Variants in ASIC2 observed in about 807,000 individuals in gnomAD.
ASIC2 encodes the protein acid sensing ion channel subunit 2.
A neutral mutation model predicts 57.3 loss-of-function variants in ASIC2; 25 were observed. The observed-to-expected ratio is 0.44, with a 90% CI of 0.32 to 0.61. ASIC2 has a LOEUF of 0.61. Among genes scored for constraint, ASIC2 ranks in the 20% least tolerant of loss-of-function variants. The pLI is 0.06. For synonymous variants in ASIC2, 319 were observed against 307.5 expected (o/e 1.04, Z -0.39); for missense variants, 641 against 738.1 (o/e 0.87, Z 1.52).
At chr17:33,851,349 G>A (rs5013578) in intron 1 of ASIC2, among the ~76,000 whole-genome samples, 7,911 of 152,138 alleles carry the variant, frequency 0.052, 233 homozygotes, top group Non-Finnish European at 0.065. Flanking sequence ...CATGAGGCTG[G>A]GGGCAATGAT....
intron 1 of ASIC2, among the ~76,000 whole-genome samples, chr17:34,054,441 T>C (rs1908687576): frequency 2.6e-5 from 4 of 152,150 alleles, no homozygotes. Flanking sequence ...TTTCAAGCAA[T>C]GAGTGGAGAT....
intron 1 of ASIC2, among the ~76,000 whole-genome samples, chr17:33,387,897 T>C (rs1208654222): frequency 1.3e-5 from 2 of 152,096 alleles, no homozygotes. Context: ...CTGGCCAACA[T>C]GATGATTTCC....
chr17:33,370,320 C>T (rs1054158685), intron 1 of ASIC2, among the ~76,000 whole-genome samples: 2 of 152,358 alleles, frequency 1.3e-5, no homozygotes, highest in East Asian at 1.9e-4. Context: ...CCAACCCCAA[C>T]AAATGGGCAA....
chr17:33,385,363 A>AC (rs1475437002), intron 1 of ASIC2, among the ~76,000 whole-genome samples: 2 of 151,446 alleles, frequency 1.3e-5, no homozygotes, highest in Admixed American at 6.6e-5. Context: ...TCCTGAGTGA[A>AC]CCCCACCATT....
rs549997955 is a variant in ASIC2 at position 34,149,894 on chromosome 17, A to G, written c.555+6084T>C. ...CTAGCAATCCCACTACTGGGTATAT[A>G]TCCAAAGGAAGTGAAATCAGTATGT... On this transcript the variant is annotated intron_variant, in intron 1 of 9. Coordinates refer to the ASIC2 transcript ENST00000359872. 1.8e-4 allele frequency among the ~76,000 whole-genome samples: 27 copies of G among 152,202 alleles called. 1 individual carries two copies. Among genetic ancestry groups the G allele is most frequent in the Non-Finnish European group, 3.4e-4 (23 of 68,032 alleles).
At chr17:33,375,232 T>G (rs1372048326) in intron 1 of ASIC2, among the ~76,000 whole-genome samples, 1 of 151,674 alleles carries the variant, frequency 6.6e-6, no homozygotes, top group African/African-American at 2.4e-5. Context: ...ACTGATGAGG[T>G]GACATTTGAG....
intron 3 of ASIC2, among the ~76,000 whole-genome samples, chr17:33,061,308 T>C (rs1243843821): frequency 6.6e-6 from 1 of 152,218 alleles, no homozygotes; most frequent in Admixed American, 6.5e-5. Context: ...TTGTCATAGA[T>C]AGCTCTTATT....
chr17:33,944,200 ATTGT>A (rs1204592642), intron 1 of ASIC2, among the ~76,000 whole-genome samples: 6 of 152,106 alleles, frequency 3.9e-5, no homozygotes, highest in Non-Finnish European at 8.8e-5. Flanking sequence ...TACATTTAAG[ATTGT>A]TTATTTTCCT....
intron 1 of ASIC2, among the ~76,000 whole-genome samples, chr17:33,606,143 A>G (rs558679752): frequency 6.6e-6 from 1 of 152,336 alleles, no homozygotes; most frequent in Non-Finnish European, 1.5e-5. Flanking sequence ...TCCAGGCAGA[A>G]ATATTTGCCA....
chr17:33,570,953 G>A (rs989298624), intron 1 of ASIC2, among the ~76,000 whole-genome samples: 8 of 152,184 alleles, frequency 5.3e-5, no homozygotes, highest in South Asian at 2.1e-4. Flanking sequence ...TCACCACATT[G>A]TTGGTCAAAG....
At chr17:33,442,521 A>T (rs530504493) in intron 1 of ASIC2, among the ~76,000 whole-genome samples, 1 of 152,140 alleles carries the variant, frequency 6.6e-6, no homozygotes, top group Non-Finnish European at 1.5e-5. Context: ...CTTTTTGATG[A>T]CATCATAAAT....
chr17:33,114,658 T>C (rs2092273627), intron 1 of ASIC2, among the ~76,000 whole-genome samples: 1 of 152,220 alleles, frequency 6.6e-6, no homozygotes, highest in Admixed American at 6.5e-5. Flanking sequence ...GCATGCCCAG[T>C]GCCATTGGTG....
intron 1 of ASIC2, among the ~76,000 whole-genome samples, chr17:33,650,666 A>G (rs1305971735): frequency 6.6e-6 from 1 of 152,244 alleles, no homozygotes; most frequent in African/African-American, 2.4e-5. Flanking sequence ...CTATTGATGT[A>G]CAAACAACCT....
chr17:33,027,700 C>T (rs969320570), intron 4 of ASIC2, among the ~76,000 whole-genome samples: 2 of 152,232 alleles, frequency 1.3e-5, no homozygotes, highest in African/African-American at 2.4e-5. Flanking sequence ...CGCTCTTCCT[C>T]CCCAGATCAG....
chr17:33,130,693 AG>A (rs1163978001), intron 1 of ASIC2, among the ~76,000 whole-genome samples: 5 of 152,018 alleles, frequency 3.3e-5, no homozygotes, highest in Non-Finnish European at 7.4e-5. Context: ...TTCCTCCTGG[AG>A]GGGGGGACTT....
At chr17:33,492,093 G>C (rs1913778387) in intron 1 of ASIC2, among the ~76,000 whole-genome samples, 1 of 152,154 alleles carries the variant, frequency 6.6e-6, no homozygotes, top group African/African-American at 2.4e-5. Context: ...TAGATCTCTT[G>C]CCAAAATAGG....
chr17:33,771,469 C>A (rs764615475), intron 1 of ASIC2, among the ~76,000 whole-genome samples: 4 of 152,268 alleles, frequency 2.6e-5, no homozygotes, highest in East Asian at 1.9e-4. Flanking sequence ...CCTCCTCTTC[C>A]TTTGTATTGC....
Position 34,130,110 on chromosome 17 carries a change from T to C in ASIC2, c.555+25868A>G, listed in dbSNP as rs139099627. ...GCTATCTGTGGGGTTTAGGAGTTAA[T>C]ATTCATTTGCACATCATGAAAGGAC... On this transcript the variant is annotated intron_variant, in intron 1 of 9. Transcript: ENST00000359872. Among the ~76,000 whole-genome samples the C allele has an allele frequency of 4.4e-3, 670 of 152,350 alleles. 7 individuals are homozygous for C. The highest frequency in any genetic ancestry group is 0.015 in the African/African-American group (621 of 41,570).
chr17:33,528,186 G>GTGTGTGTGTGTGTGT (rs1567640142), intron 1 of ASIC2, among the ~76,000 whole-genome samples: 2 of 151,630 alleles, frequency 1.3e-5, no homozygotes, highest in Non-Finnish European at 2.9e-5. Context: ...GTGTGTGTGT[G>GTGTGTGTGTGTGTGT]GTTTCCAGCT....
Sources: allele counts gnomAD v4.1 joint callset (sites outside exome capture counted in the v4.1 genomes callset), GRCh38; gene constraint gnomAD v4.1.1; transcripts MANE v1.5; gene names NCBI Gene and HGNC (gene_info 2026-07-23, HGNC 2026-07-21).